Variants in TEX2 observed in about 807,000 individuals in gnomAD.
TEX2 encodes testis-expressed protein 2.
TEX2 carries 53 observed loss-of-function variants against 106.9 expected under a neutral mutation model. The observed-to-expected ratio is 0.50, with a 90% CI of 0.40 to 0.62. TEX2 has a LOEUF of 0.62. Ranked by LOEUF, TEX2 falls within the 20% of genes least tolerant of loss-of-function variation. TEX2 has a pLI of 0.00. For synonymous variants in TEX2, 523 were observed against 534.8 expected (o/e 0.98, Z 0.30); for missense variants, 1,207 against 1,379.0 (o/e 0.88, Z 1.98).
At chr17:64,244,096 C>G (rs562158252) in intron 1 of TEX2, among the ~76,000 whole-genome samples, 1 of 152,116 alleles carries the variant, frequency 6.6e-6, no homozygotes, top group African/African-American at 2.4e-5. Context: ...TGTGAACCAC[C>G]GCGCCCAGCC....
At chr17:64,232,669 GTGTCAGAAACTCCTATTA>G (rs1253289222) in intron 1 of TEX2, among the ~76,000 whole-genome samples, 1 of 152,174 alleles carries the variant, frequency 6.6e-6, no homozygotes, top group Non-Finnish European at 1.5e-5. Context: ...GACCAATCCT[GTGTCAGAAACTCCTATTA>G]TGTCATCCAC....
chr17:64,262,682 C>T (rs997023361), intron 1 of TEX2, among the ~76,000 whole-genome samples: 3 of 152,228 alleles, frequency 2.0e-5, no homozygotes, highest in Non-Finnish European at 4.4e-5. Flanking sequence ...CACCGCCACC[C>T]GCGTTCTCCA....
chr17:64,257,969 T>G (rs2034216088), intron 1 of TEX2, among the ~76,000 whole-genome samples: 1 of 151,688 alleles, frequency 6.6e-6, no homozygotes, highest in African/African-American at 2.4e-5. Flanking sequence ...TGGAATGCAA[T>G]GGTGCAATCT....
intron 8 of TEX2, among the ~76,000 whole-genome samples, chr17:64,159,212 TCCCTGTGC>T (rs1400221281): frequency 2.0e-5 from 3 of 152,020 alleles, no homozygotes; most frequent in Non-Finnish European, 4.4e-5. Flanking sequence ...TGCAATGGAG[TCCCTGTGC>T]CCCTGTGCCC....
chr17:64,154,476 A>G (rs540187284), intron 9 of TEX2, among the ~76,000 whole-genome samples: 1 of 152,334 alleles, frequency 6.6e-6, no homozygotes, highest in Non-Finnish European at 1.5e-5. Flanking sequence ...TTGCAGCTCA[A>G]CAGAAGCAAA....
intron 5 of TEX2, among the ~76,000 whole-genome samples, chr17:64,179,096 C>T (rs917069135): frequency 6.6e-6 from 1 of 152,216 alleles, no homozygotes; most frequent in Non-Finnish European, 1.5e-5. Context: ...GTGAGGCCAG[C>T]TAGACTTCCT....
chr17:64,196,983 T>TA (rs34621338), intron 2 of TEX2, among the ~76,000 whole-genome samples: 10 of 26,282 alleles, frequency 3.8e-4, no homozygotes, highest in African/African-American at 1.7e-3. Context: ...CAAATCAAGA[T>TA]TTTTTTTTTT....
At chr17:64,182,507 A>C (rs1236766878) in intron 5 of TEX2, among the ~76,000 whole-genome samples, 1 of 152,236 alleles carries the variant, frequency 6.6e-6, no homozygotes, top group African/African-American at 2.4e-5. Flanking sequence ...AATAGAGTAC[A>C]TTCAATAGTT....
chr17:64,172,631 G>A (rs759978501), intron 6 of TEX2, among the ~76,000 whole-genome samples: 1 of 152,180 alleles, frequency 6.6e-6, no homozygotes, highest in African/African-American at 2.4e-5. Flanking sequence ...CAGCTGCCCT[G>A]TCCAAGTTCT....
chr17:64,237,517 AG>A, intron 1 of TEX2, among the ~76,000 whole-genome samples: 1 of 152,268 alleles, frequency 6.6e-6, no homozygotes, highest in South Asian at 2.1e-4. Context: ...GGGTTCAGGA[AG>A]GTCAGTTAGA....
chr17:64,231,567 G>T (rs1402731088), intron 1 of TEX2, among the ~76,000 whole-genome samples: 1 of 152,204 alleles, frequency 6.6e-6, no homozygotes, highest in Non-Finnish European at 1.5e-5. Flanking sequence ...TCTTGTTTCA[G>T]TATTAAGCTT....
At chr17:64,247,048 TGGG>T (rs1772485444) in intron 1 of TEX2, among the ~76,000 whole-genome samples, 1 of 151,642 alleles carries the variant, frequency 6.6e-6, no homozygotes, top group Admixed American at 6.6e-5. Context: ...GAGGCTGAGG[TGGG>T]CAGATCACCT....
At chr17:64,204,122 C>T (rs1000234516) in intron 2 of TEX2, among the ~76,000 whole-genome samples, 3 of 152,164 alleles carry the variant, frequency 2.0e-5, no homozygotes, top group African/African-American at 7.2e-5. Context: ...AATAGATCAG[C>T]AAGCAAATAA....
Position 64,195,828 on chromosome 17 carries a change from C to T in TEX2, c.1645-733G>A, listed in dbSNP as rs992005557. 1.3e-5 allele frequency among the ~76,000 whole-genome samples: 2 copies of T among 152,184 alleles called. No individual in the cohort carries two copies. The highest frequency in any genetic ancestry group is 4.8e-5 in the African/African-American group (2 of 41,450). Reference sequence around the variant, plus strand: ...AATACATACACAAAAGCCTAATACACTATACACTGTGTTAAAGCTAATCTC... The same window carrying T: ...AATACATACACAAAAGCCTAATACATTATACACTGTGTTAAAGCTAATCTC... On this transcript the variant is annotated intron_variant, in intron 2 of 11. Transcript: ENST00000584379. This position sits in a 1 kb window ranked among gnomAD's most constrained non-coding sequence, Gnocchi z 4.1.
At position 64,214,156 on chromosome 17, in the gene TEX2, G is replaced by C. The variant is rs542449396; in HGVS notation, c.62C>G (p.Pro21Arg). 3 of 1,614,210 alleles carry C rather than the reference G, an allele frequency of 1.9e-6. No individual in the cohort carries two copies. In the Admixed American group the frequency reaches 5.0e-5, roughly 27 times the overall value. Reference sequence around the variant, plus strand: ...CACGGACCTCTGCACGTGCACTTTAGGGGCTGATGGTTTTGGCATGTCAGT... The same window carrying C: ...CACGGACCTCTGCACGTGCACTTTACGGGCTGATGGTTTTGGCATGTCAGT... ...KTTDMPKPSAPKVHVQRSVSR... is the reference protein window; with the variant it reads ...KTTDMPKPSARKVHVQRSVSR... The change falls in exon 2 of 12, where the codon CCT (proline) becomes CGT (arginine). Residue 21 changes from proline (P) to arginine (R), a missense_variant. Pro to Arg is a moderately radical substitution (Grantham distance 103). Around this residue, in one of 3 missense-constraint regions of TEX2, gnomAD observed 1,067 missense variants for 1,193.6 expected, o/e 0.89. Coordinates refer to ENST00000584379, the MANE Select transcript of TEX2 (RefSeq NM_001288732.2).
chr17:64,225,443 G>A (rs1555633769), intron 1 of TEX2, among the ~76,000 whole-genome samples: 1 of 152,166 alleles, frequency 6.6e-6, no homozygotes, highest in African/African-American at 2.4e-5. Flanking sequence ...TAATATTTGA[G>A]TTCAGGAGCA....
In TEX2 at chr17:64,193,796, A is replaced by G; in HGVS notation, c.1939T>C (p.Ser647Pro). ...GTCTCCTTATCAGTCTGAGCTTTAG[A>G]CATAAAGTCATCTTGCTGACCAAGC... ...IELGQQDDFM[S>P]KAQTDKETSE... Residue 647 changes from serine (S) to proline (P), a missense_variant, in exon 4 of 12, where the codon TCT (serine) becomes CCT (proline). This residue lies in a region of TEX2 where 1,067 missense variants were observed against 1,193.6 expected (regional missense o/e 0.89). Coordinates refer to ENST00000584379, the MANE Select transcript of TEX2 (RefSeq NM_001288732.2). 6.2e-7 allele frequency: 1 copy of G among 1,610,372 alleles called. No homozygotes were observed. Among genetic ancestry groups the G allele is most frequent in the Non-Finnish European group, 8.5e-7 (1 of 1,177,658 alleles).
In TEX2 at chr17:64,193,665, A is replaced by C; in HGVS notation, c.2070T>G (p.Phe690Leu). The change falls in exon 4 of 12, where the codon TTT becomes TTG. Residue 690 changes from phenylalanine to leucine, a missense_variant. This residue lies in a region of TEX2 where 1,067 missense variants were observed against 1,193.6 expected (regional missense o/e 0.89). Transcript: ENST00000584379. ...CCTCTTTTTCTCGGCCAGTTCTCCC[A>C]AAGAGATAGAGTATCTGATCTCGCT... ...SSQRDQILYLFGRTGREKEEW... is the reference protein window; with the variant it reads ...SSQRDQILYLLGRTGREKEEW... The C allele has an allele frequency of 6.3e-7, 1 of 1,577,724 alleles. No individual in the cohort carries two copies. The highest frequency in any genetic ancestry group is 1.2e-5 in the South Asian group (1 of 85,994).
At position 64,151,011 on chromosome 17, in the gene TEX2, G is replaced by A. The variant is rs748032193; in HGVS notation, c.3141-50C>T. ...CATTTAGAAGCAAAGCAAGGAATGA[G>A]ACAGGCACTGACAGCAAACAGTTCT... is the stretch of plus-strand genomic sequence containing the variant. On this transcript the variant is annotated intron_variant, in intron 10 of 11. Transcript: ENST00000584379. 1.4e-5 allele frequency: 22 copies of A among 1,592,564 alleles called. No homozygotes were observed. In the African/African-American group the frequency reaches 1.8e-4, roughly 13 times the overall value.
Sources: allele counts gnomAD v4.1 joint callset (sites outside exome capture counted in the v4.1 genomes callset), GRCh38; gene constraint gnomAD v4.1.1; regional missense constraint gnomAD v4.1.1; non-coding constraint Gnocchi (gnomAD v3.1); transcripts MANE v1.5; gene names NCBI Gene and HGNC (gene_info 2026-07-23, HGNC 2026-07-21).